The following RBFOX3 variants were observed in gnomAD, a reference collection of about 807,000 sequenced individuals.
The protein encoded by RBFOX3 is RNA binding fox-1 homolog 3, also known as RNA binding protein fox-1 homolog 3.
Under a neutral mutation model 48.7 loss-of-function variants are expected in RBFOX3, and 17 were observed. The ratio of observed to expected loss-of-function variants is 0.35; its 90% confidence interval spans 0.24 to 0.52. The LOEUF (loss-of-function observed/expected upper bound fraction) is 0.52, where lower values mean the gene tolerates loss of function less well. RBFOX3 is among the 20% of genes least tolerant of loss of function. The probability of loss-of-function intolerance (pLI) is 0.94; values close to 1 mark genes in which losing one functional copy is unlikely to be tolerated. For synonymous variants in RBFOX3, 212 were observed against 209.5 expected (o/e 1.01, Z -0.10); for missense variants, 382 against 497.5 (o/e 0.77, Z 2.21).
chr17:79,407,182 A>T (rs2063661540), intron 2 of RBFOX3, among the ~76,000 whole-genome samples: 2 of 152,162 alleles, frequency 1.3e-5, no homozygotes, highest in South Asian at 2.1e-4. Context: ...AATTTTTTGT[A>T]TTTTTAGTAG....
At chr17:79,182,545 C>G (rs2146153918) in intron 4 of RBFOX3, among the ~76,000 whole-genome samples, 1 of 152,078 alleles carries the variant, frequency 6.6e-6, no homozygotes, top group East Asian at 2.0e-4. Context: ...CCCAACGCCC[C>G]GGCCGGCCGG....
intron 3 of RBFOX3, among the ~76,000 whole-genome samples, chr17:79,297,351 G>A (rs190324211): frequency 1.6e-3 from 244 of 152,300 alleles, no homozygotes; most frequent in African/African-American, 5.1e-3. Flanking sequence ...GGAGAGCCGT[G>A]TGCCTTTGGG....
At chr17:79,303,049 A>C (rs1420869263) in intron 3 of RBFOX3, among the ~76,000 whole-genome samples, 1 of 152,066 alleles carries the variant, frequency 6.6e-6, no homozygotes, top group Non-Finnish European at 1.5e-5. Flanking sequence ...ACAAAAAAAG[A>C]TTTACAAAAA....
At chr17:79,426,091 G>A (rs2067327009) in intron 2 of RBFOX3, among the ~76,000 whole-genome samples, 1 of 152,138 alleles carries the variant, frequency 6.6e-6, no homozygotes, top group Non-Finnish European at 1.5e-5. Flanking sequence ...GCAGAACCAG[G>A]GGCTTTTGGC....
At chr17:79,630,294 C>T in the RBFOX3 span, among the ~76,000 whole-genome samples, 1 of 152,224 alleles carries the variant, frequency 6.6e-6, no homozygotes, top group Non-Finnish European at 1.5e-5. Context: ...AAGCATGCAG[C>T]ACCTCCGTGC....
chr17:79,531,103 GC>G (rs1458848346), intron 1 of RBFOX3, among the ~76,000 whole-genome samples: 1 of 152,248 alleles, frequency 6.6e-6, no homozygotes, highest in African/African-American at 2.4e-5. Context: ...CGCAGAGCCT[GC>G]CCACTTTCTC....
intron 1 of RBFOX3, among the ~76,000 whole-genome samples, chr17:79,583,573 G>A (rs961668918): frequency 1.9e-4 from 29 of 152,284 alleles, no homozygotes; most frequent in African/African-American, 6.5e-4. Context: ...AGACTGGGTC[G>A]GGATCAATGA....
At chr17:79,589,634 G>A (rs1489919734) in intron 1 of RBFOX3, among the ~76,000 whole-genome samples, 3 of 152,276 alleles carry the variant, frequency 2.0e-5, no homozygotes, top group African/African-American at 4.8e-5. Flanking sequence ...TCCCTGGGAC[G>A]CCCTGGGGGC....
chr17:79,183,917 C>T (rs912772366), intron 4 of RBFOX3, among the ~76,000 whole-genome samples: 3 of 151,866 alleles, frequency 2.0e-5, no homozygotes, highest in Non-Finnish European at 4.4e-5. Flanking sequence ...TCCTCCCCCC[C>T]GTTGCCAGCA....
At chr17:79,130,754 G>C (rs1446392949) in intron 4 of RBFOX3, among the ~76,000 whole-genome samples, 1 of 152,260 alleles carries the variant, frequency 6.6e-6, no homozygotes, top group Non-Finnish European at 1.5e-5. Context: ...CACAGTCCCT[G>C]GAACGAGTGG....
chr17:79,325,211 G>A (rs748536342), intron 2 of RBFOX3, among the ~76,000 whole-genome samples: 7 of 152,202 alleles, frequency 4.6e-5, no homozygotes, highest in Non-Finnish European at 1.0e-4. Flanking sequence ...GCAGGGAGCT[G>A]CCCCCTTTGC....
intron 1 of RBFOX3, among the ~76,000 whole-genome samples, chr17:79,517,567 A>AC (rs71161673): frequency 1 from 152,196 of 152,196 alleles, 76,098 homozygotes; most frequent in Non-Finnish European, 1. Flanking sequence ...CCCCATTCCT[A>AC]TGGCTGAGCT....
At chr17:79,372,328 C>T (rs1428221676) in intron 2 of RBFOX3, among the ~76,000 whole-genome samples, 1 of 123,512 alleles carries the variant, frequency 8.1e-6, no homozygotes. Context: ...TCAAATCCCC[C>T]CCATCCTATG....
chr17:79,525,127 G>T (rs1472195794), intron 1 of RBFOX3, among the ~76,000 whole-genome samples: 2 of 152,194 alleles, frequency 1.3e-5, no homozygotes, highest in East Asian at 1.9e-4. Flanking sequence ...CGGCACTGTT[G>T]ACATTTGGGG....
intron 2 of RBFOX3, among the ~76,000 whole-genome samples, chr17:79,406,925 A>C (rs1434048678): frequency 3.3e-5 from 5 of 152,252 alleles, no homozygotes; most frequent in Admixed American, 3.3e-4. Context: ...ACGGACTTCC[A>C]TGCCAGGCTG....
rs1282029882 is a variant in RBFOX3 at position 79,607,622 on chromosome 17, C to T, written c.-320+3204G>A. On this transcript the variant is annotated intron_variant, in intron 1 of 14. Coordinates refer to ENST00000693108, the MANE Select transcript of RBFOX3 (RefSeq NM_001350451.2). ...GCATCATGGGTCAGAACACCATCTG[C>T]GTATATGGGGGAGGGGGCAGATAAA... 6.6e-5 allele frequency among the ~76,000 whole-genome samples: 10 copies of T among 152,160 alleles called. No individual in the cohort carries two copies. The East Asian group carries it at 1.2e-3, about 18-fold the overall frequency.
At chr17:79,370,309 G>A (rs2058342918) in intron 2 of RBFOX3, among the ~76,000 whole-genome samples, 2 of 152,174 alleles carry the variant, frequency 1.3e-5, no homozygotes, top group South Asian at 4.1e-4. Flanking sequence ...CAGGGCCAGA[G>A]CCCCACCCAG....
In RBFOX3 at chr17:79,443,216, G is replaced by T. The variant is rs1230169170; in HGVS notation, c.-175+39238C>A. Among the ~76,000 whole-genome samples the T allele has an allele frequency of 2.6e-5, 4 of 152,202 alleles. No homozygotes were observed. Among genetic ancestry groups the T allele is most frequent in the Non-Finnish European group, 4.4e-5 (3 of 68,034 alleles). On this transcript the variant is annotated intron_variant, in intron 2 of 14. Transcript: ENST00000693108. The surrounding 1 kb of genome is among the most constrained non-coding windows in gnomAD (Gnocchi z 4.4). Reference sequence around the variant, plus strand: ...GGCCCAGCGTCCAGTCCAATCCTGGGTGCTGCCAAGTCCCCTCTGCCCCAA... The same window carrying T: ...GGCCCAGCGTCCAGTCCAATCCTGGTTGCTGCCAAGTCCCCTCTGCCCCAA...
intron 2 of RBFOX3, among the ~76,000 whole-genome samples, chr17:79,355,540 T>A (rs1323076524): frequency 6.6e-6 from 1 of 151,860 alleles, no homozygotes; most frequent in Non-Finnish European, 1.5e-5. Context: ...CAACGCATGT[T>A]AGAAACTAAA....
Sources: gnomAD v4.1 joint callset for allele counts (sites outside exome capture counted in the v4.1 genomes callset) on GRCh38, gnomAD v4.1.1 for gene constraint, Gnocchi (gnomAD v3.1) non-coding constraint, MANE v1.5 for transcripts, NCBI Gene and HGNC (gene_info 2026-07-23, HGNC 2026-07-21) for gene names.